ELMOD1: variants seen among roughly 807,000 people sequenced by gnomAD.
ELMOD1 encodes the protein ELMO domain containing 1.
ELMOD1 carries 21 observed loss-of-function variants against 46.7 expected under a neutral mutation model. The observed-to-expected ratio is 0.45, with a 90% CI of 0.32 to 0.65. The LOEUF (loss-of-function observed/expected upper bound fraction) is 0.65. Among genes scored for constraint, ELMOD1 ranks in the 30% least tolerant of loss-of-function variants. The pLI is 0.04. For missense variants in ELMOD1, 348 were observed against 407.8 expected, an observed-to-expected ratio of 0.85 and a Z score of 1.26; for synonymous variants, 122 against 138.2, an observed-to-expected ratio of 0.88 and a Z score of 0.82.
rs1866823899 is a variant in ELMOD1, at chr11:107,665,281, T to G, written c.*84T>G. ...TCTGCTTAGGTCGCAGCTCACGCATTGAATGCACACAGTGATTGTATGCAT... is the reference window on the plus strand; with the variant it reads ...TCTGCTTAGGTCGCAGCTCACGCATGGAATGCACACAGTGATTGTATGCAT... On this transcript the variant is annotated 3_prime_UTR_variant, in exon 12 of 12. Coordinates refer to ENST00000265840, the MANE Select transcript of ELMOD1 (RefSeq NM_018712.4). The G allele has an allele frequency of 7.3e-7, 1 of 1,369,046 alleles. No individual in the cohort carries two copies. The highest frequency in any genetic ancestry group is 1.0e-6 in the Non-Finnish European group (1 of 986,278). 84.8% of individuals were successfully genotyped at this position (1,369,046 alleles called of 1,614,324 possible).
At chr11:107,638,653 C>G (rs952321785) in intron 6 of ELMOD1, among the ~76,000 whole-genome samples, 3 of 152,104 alleles carry the variant, frequency 2.0e-5, no homozygotes, top group African/African-American at 7.2e-5. Context: ...CTGTTTAGAG[C>G]AAAAGTCAGC....
At chr11:107,594,266 C>T (rs968990981) in intron 1 of ELMOD1, among the ~76,000 whole-genome samples, 3 of 144,150 alleles carry the variant, frequency 2.1e-5, no homozygotes, top group Non-Finnish European at 4.5e-5. Flanking sequence ...TTATCCTGGG[C>T]GAAAATGAGA....
chr11:107,638,886 C>T (rs1242219491), intron 6 of ELMOD1, among the ~76,000 whole-genome samples: 1 of 152,204 alleles, frequency 6.6e-6, no homozygotes, highest in Admixed American at 6.5e-5. Flanking sequence ...GTGGCTCACA[C>T]CTGTAATCCC....
Position 107,615,985 on chromosome 11 carries a change from C to CT in ELMOD1, c.-85-2092dup, listed in dbSNP as rs57135460. Reference sequence around the variant, plus strand: ...TGAGGCAGTGTTTGTCAGGTTTTTCCTTTTTTTTTTTTTTTTTTTTTTTTT... The same window carrying CT: ...TGAGGCAGTGTTTGTCAGGTTTTTCCTTTTTTTTTTTTTTTTTTTTTTTTTT... On this transcript the variant is annotated intron_variant, in intron 1 of 11. Transcript: ENST00000265840. Among the ~76,000 whole-genome samples, 67 of 74,050 alleles carry CT rather than the reference C, an allele frequency of 9.0e-4. 1 individual carries two copies. The highest frequency in any genetic ancestry group is 2.4e-3 in the African/African-American group (43 of 18,020). 48.6% of individuals were successfully genotyped at this position (74,050 alleles called of 152,430 possible).
At chr11:107,592,576 G>C in intron 1 of ELMOD1, 1 of 286,040 alleles carries the variant, frequency 3.5e-6, no homozygotes, top group Non-Finnish European at 7.6e-6. Flanking sequence ...AGCAGACTTA[G>C]TCATTCCCTC....
chr11:107,595,123 G>A (rs1865470509), intron 1 of ELMOD1, among the ~76,000 whole-genome samples: 1 of 150,134 alleles, frequency 6.7e-6, no homozygotes, highest in East Asian at 2.0e-4. Flanking sequence ...ATACAATGTC[G>A]TTCTAGATTG....
At chr11:107,604,090 A>G (rs889521391) in intron 1 of ELMOD1, among the ~76,000 whole-genome samples, 8 of 148,576 alleles carry the variant, frequency 5.4e-5, no homozygotes, top group African/African-American at 7.7e-5. Flanking sequence ...TCAACCAAGC[A>G]TGTACTTACT....
intron 5 of ELMOD1, among the ~76,000 whole-genome samples, chr11:107,634,542 C>G (rs1278032193): frequency 6.6e-6 from 1 of 152,104 alleles, no homozygotes; most frequent in African/African-American, 2.4e-5. Flanking sequence ...AGTTCGAGAC[C>G]AGCCTGGCCA....
chr11:107,604,760 C>G lies in ELMOD1; in HGVS notation c.-85-13345C>G, dbSNP rs188592015. On this transcript the variant is annotated intron_variant, in intron 1 of 11. Coordinates refer to ENST00000265840, the MANE Select transcript of ELMOD1 (RefSeq NM_018712.4). ...GTTAAAAACTACTTTTTTGCTTTAC[C>G]TTATGAATTGTTGCAGACGCCCAGT... 3.3e-5 allele frequency among the ~76,000 whole-genome samples: 5 copies of G among 152,202 alleles called. No individual in the cohort carries two copies. The East Asian group carries it at 9.7e-4, about 29-fold the overall frequency.
intron 2 of ELMOD1, among the ~76,000 whole-genome samples, chr11:107,628,038 A>G (rs1866072014): frequency 6.6e-6 from 1 of 151,986 alleles, no homozygotes; most frequent in South Asian, 2.1e-4. Flanking sequence ...CCAGTAATTA[A>G]TATCATTACC....
chr11:107,594,108 C>T (rs1229599279), intron 1 of ELMOD1, among the ~76,000 whole-genome samples: 1 of 151,844 alleles, frequency 6.6e-6, no homozygotes, highest in East Asian at 1.9e-4. Flanking sequence ...AGTTGCTGTG[C>T]CAGTAGTGTG....
intron 9 of ELMOD1, chr11:107,653,954 C>T (rs1866574602): frequency 1.9e-6 from 1 of 531,302 alleles, no homozygotes; most frequent in South Asian, 2.8e-5. Context: ...GGCTGTCTCC[C>T]ATGGCTATAC....
At chr11:107,637,853 C>A (rs1418167524) in intron 6 of ELMOD1, among the ~76,000 whole-genome samples, 2 of 152,182 alleles carry the variant, frequency 1.3e-5, no homozygotes, top group Non-Finnish European at 1.5e-5. Context: ...TTAGATTCTT[C>A]TCTCACATCA....
At chr11:107,592,116 C>T in intron 1 of ELMOD1, 1 of 376,454 alleles carries the variant, frequency 2.7e-6, no homozygotes, top group South Asian at 2.1e-5. Context: ...TTTTTGTTTT[C>T]CAAGTGTGGG....
At chr11:107,592,293 C>A in intron 1 of ELMOD1, 1 of 528,016 alleles carries the variant, frequency 1.9e-6, no homozygotes, top group Non-Finnish European at 3.9e-6. Flanking sequence ...GAGCTTTCCA[C>A]ATTTCATCCC....
intron 4 of ELMOD1, among the ~76,000 whole-genome samples, 181 bp from the exon 5 acceptor site, chr11:107,631,399 C>CCA (rs1491028848): frequency 9.9e-5 from 2 of 20,114 alleles, no homozygotes; most frequent in African/African-American, 3.0e-4. Flanking sequence ...ATTGCACTAC[C>CCA]CCCCCCCCCA....
chr11:107,620,356 T>C (rs1591113057), intron 2 of ELMOD1: 1 of 152,190 alleles, frequency 6.6e-6, no homozygotes. Flanking sequence ...TGATACCCAA[T>C]TGCTACCATC....
chr11:107,653,836 A>C, intron 9 of ELMOD1: 1 of 210,226 alleles, frequency 4.8e-6, no homozygotes. Context: ...GCAGTAGGGA[A>C]TCAGGAGAGA....
chr11:107,616,577 T>G (rs773786873), intron 1 of ELMOD1, among the ~76,000 whole-genome samples: 1 of 151,466 alleles, frequency 6.6e-6, no homozygotes, highest in African/African-American at 2.4e-5. Context: ...TGAGGTTTCT[T>G]CATGTTGGCC....
Sources: allele counts gnomAD v4.1 joint callset (sites outside exome capture counted in the v4.1 genomes callset), GRCh38; gene constraint gnomAD v4.1.1; transcripts MANE v1.5; gene names NCBI Gene and HGNC (gene_info 2026-07-23, HGNC 2026-07-21).